Variants in UXT observed in about 807,000 individuals in gnomAD.
The protein encoded by UXT is protein UXT.
For synonymous variants in UXT, 54 were observed against 52.8 expected (o/e 1.02, Z -0.10); for missense variants, 111 against 132.7 (o/e 0.84, Z 0.80).
intron 1 of UXT, 131 bp from the exon 3 acceptor site, chrX:47,657,994 C>G (rs5906441): frequency 0.34 from 160,219 of 467,962 alleles, 24,827 homozygotes; most frequent in African/African-American, 0.86. Flanking sequence ...AGTTAATTTT[C>G]GGCTCTGGGT....
rs747500659 is a variant in UXT, at chrX:47,659,017, TG to T, written c.-55del. 3.3e-4 allele frequency: 404 copies of T among 1,207,071 alleles called. No individual in the cohort carries two copies. The African/African-American group carries it at 6.2e-3, about 19-fold the overall frequency. ...CAGTTCATCTCTACCCTCTCAACGC[TG>T]GGAATCGGCTTGTCCGGCTCAAGCT... On this transcript the variant is annotated 5_prime_UTR_variant, in exon 1 of 6. Coordinates refer to ENST00000335890, the MANE Select transcript of UXT (RefSeq NM_153477.3).
At chrX:47,656,209 G>A (rs1183729768) in intron 4 of UXT, among the ~76,000 whole-genome samples, 1 of 111,942 alleles carries the variant, frequency 8.9e-6, no homozygotes, top group Admixed American at 9.5e-5. Flanking sequence ...TGCGCCTGTA[G>A]TCCCAGTTAC....
intron 4 of UXT, 23 bp from the exon 6 acceptor site, chrX:47,652,167 G>A (rs752653779): frequency 8.6e-7 from 1 of 1,167,786 alleles, no homozygotes; most frequent in East Asian, 3.0e-5. Context: ...AACAAGAAAG[G>A]GCAAAATGGG....
rs780919313 is a variant in UXT, at chrX:47,658,914, G to C, written c.50C>G (p.Pro17Arg). 1.7e-6 allele frequency: 2 copies of C among 1,195,187 alleles called. No homozygotes were observed. Among genetic ancestry groups the C allele is most frequent in the Non-Finnish European group, 1.1e-6 (1 of 885,258 alleles). The change falls in exon 1 of 6, where the codon CCT becomes CGT. Residue 17 changes from proline to arginine, a missense_variant. By Grantham distance (103) the Pro-to-Arg change is moderately radical. Coordinates refer to ENST00000335890, the MANE Select transcript of UXT (RefSeq NM_153477.3). Reference sequence around the variant, plus strand: ...CGTGGCCTCCACCGCCCGCCGCTTAGGGGGCGTCGCCATGATGGGCTCCTG... The same window carrying C: ...CGTGGCCTCCACCGCCCGCCGCTTACGGGGCGTCGCCATGATGGGCTCCTG...
chrX:47,652,859 T>C (rs2058072311), intron 4 of UXT, among the ~76,000 whole-genome samples: 2 of 110,787 alleles, frequency 1.8e-5, no homozygotes, highest in African/African-American at 6.6e-5. Context: ...AGGAAGGAGG[T>C]TGAATTACAT....
At chrX:47,657,675 G>C (rs1405133601) in intron 2 of UXT, 36 bp from the exon 4 acceptor site, 2 of 1,194,377 alleles carry the variant, frequency 1.7e-6, no homozygotes, top group Non-Finnish European at 2.3e-6. Context: ...GGGGTCAGTG[G>C]TGAACTCTTA....
At chrX:47,653,966 G>A (rs777097002) in intron 4 of UXT, 11 of 357,860 alleles carry the variant, frequency 3.1e-5, no homozygotes, top group South Asian at 1.4e-4. Flanking sequence ...AACCTGATCA[G>A]CTCCTAAGGG....
intron 1 of UXT, among the ~76,000 whole-genome samples, chrX:47,658,597 A>G (rs2058091697): frequency 8.9e-6 from 1 of 112,312 alleles, no homozygotes; most frequent in African/African-American, 3.2e-5. Context: ...CCAGAAAACA[A>G]GCCTTAATCT....
intron 1 of UXT, 122 bp from the exon 3 acceptor site, chrX:47,657,985 G>T: frequency 1.9e-6 from 1 of 517,690 alleles, no homozygotes; most frequent in Non-Finnish European, 2.8e-6. Flanking sequence ...TAGTGCATAA[G>T]TTAATTTTCG....
intron 4 of UXT, among the ~76,000 whole-genome samples, chrX:47,655,178 G>T (rs2058079896): frequency 8.9e-6 from 1 of 111,778 alleles, no homozygotes; most frequent in Admixed American, 9.5e-5. Flanking sequence ...TACTTGGGAG[G>T]CTGAGGCAGG....
At chrX:47,657,712 G>T (rs1483350066) in intron 2 of UXT, 70 bp downstream of exon 3, 1 of 1,184,328 alleles carries the variant, frequency 8.4e-7, no homozygotes, top group South Asian at 1.8e-5. Context: ...TGGGTCTGGA[G>T]TCTCTCTTCC....
At chrX:47,658,689 G>T in intron 1 of UXT, 141 bp downstream of exon 2, 1 of 876,211 alleles carries the variant, frequency 1.1e-6, no homozygotes, top group Non-Finnish European at 1.5e-6. Context: ...CCCGGATGTC[G>T]TCCCCACTTC....
chrX:47,657,466 C>T, intron 3 of UXT, 106 bp downstream of exon 4: 1 of 900,418 alleles, frequency 1.1e-6, no homozygotes, highest in Non-Finnish European at 1.6e-6. Context: ...GGATATAAAA[C>T]CTCGCATAGT....
chrX:47,656,063 C>T (rs1291837042), intron 4 of UXT, among the ~76,000 whole-genome samples: 1 of 111,926 alleles, frequency 8.9e-6, no homozygotes. Flanking sequence ...TTGGACACTC[C>T]TGCCTTAAAC....
At chrX:47,657,483 T>C (rs984114662) in intron 3 of UXT, 89 bp downstream of exon 4, 1 of 973,473 alleles carries the variant, frequency 1.0e-6, no homozygotes, top group Admixed American at 2.7e-5. Context: ...TAGTGCCTGG[T>C]ACATAGAAGA....
In UXT at chrX:47,658,832, C is replaced by T; in HGVS notation, c.132G>A (p.Leu44=). 3 of 1,143,742 alleles carry T rather than the reference C, an allele frequency of 2.6e-6. No homozygotes were observed. The highest frequency in any genetic ancestry group is 3.5e-6 in the Non-Finnish European group (3 of 862,022). The allele number at this position is 1,143,742 out of a possible 1,213,427, so 94.3% of individuals were successfully genotyped here. A position where few individuals can be genotyped will look rare whatever the true frequency, so the allele number is the denominator to read the frequency against. The change falls in exon 1 of 6, where the codon TTG becomes TTA. Residue 44 remains leucine (L), a splice_region_variant and synonymous_variant. Coordinates refer to ENST00000335890, the MANE Select transcript of UXT (RefSeq NM_153477.3). ...CCGCCCCCCGCACTGTCACTCACCG[C>T]AAGTCCCGCTGCAGCACGTCACTGA...
chrX:47,655,473 A>T (rs1322331685), intron 4 of UXT, among the ~76,000 whole-genome samples: 3 of 112,356 alleles, frequency 2.7e-5, no homozygotes, highest in African/African-American at 9.7e-5. Context: ...TGAAAAGATA[A>T]AAATTACTGA....
chrX:47,657,677 G>A, intron 2 of UXT, 38 bp from the exon 4 acceptor site: 2 of 1,192,318 alleles, frequency 1.7e-6, no homozygotes, highest in South Asian at 1.8e-5. Context: ...GGTCAGTGGT[G>A]AACTCTTAGG....
chrX:47,657,749 C>A (rs1569343116), intron 2 of UXT, 33 bp downstream of exon 3: 2 of 1,188,551 alleles, frequency 1.7e-6, no homozygotes, highest in Admixed American at 4.7e-5. Flanking sequence ...CCACACATAC[C>A]AAAAAAATGG....
Sources: gnomAD v4.1 joint callset for allele counts (sites outside exome capture counted in the v4.1 genomes callset) on GRCh38, gnomAD v4.1.1 for gene constraint, MANE v1.5 for transcripts, NCBI Gene and HGNC (gene_info 2026-07-23, HGNC 2026-07-21) for gene names.